The following APP variants were observed in gnomAD, a reference collection of about 807,000 sequenced individuals.
The protein encoded by APP is amyloid beta precursor protein.
APP carries 31 observed loss-of-function variants against 101.4 expected under a neutral mutation model. That is an observed-to-expected ratio of 0.31 (90% CI 0.23 to 0.41). APP has a LOEUF of 0.41. APP is among the 10% of genes least tolerant of loss of function. The probability of loss-of-function intolerance (pLI) is 1.00; values close to 1 mark genes in which losing one functional copy is unlikely to be tolerated. For synonymous variants in APP, 366 were observed against 364.4 expected (o/e 1.00, Z -0.05); for missense variants, 839 against 1,003.7 (o/e 0.84, Z 2.22).
intron 5 of APP, among the ~76,000 whole-genome samples, chr21:26,038,437 G>C (rs1315638356): frequency 6.6e-6 from 1 of 152,132 alleles, no homozygotes; most frequent in African/African-American, 2.4e-5. Flanking sequence ...TCGACAGTGT[G>C]AGATGATGGG....
At chr21:25,905,600 T>C (rs149955468) in intron 14 of APP, among the ~76,000 whole-genome samples, 3 of 152,306 alleles carry the variant, frequency 2.0e-5, no homozygotes, top group African/African-American at 7.2e-5. Flanking sequence ...AGTGAGTGAA[T>C]CAAATTTGTC....
chr21:26,100,459 T>C (rs369191323), intron 2 of APP, among the ~76,000 whole-genome samples: 3 of 152,242 alleles, frequency 2.0e-5, no homozygotes, highest in African/African-American at 7.2e-5. Context: ...GTCAAGAATG[T>C]ACCAGACCTT....
intron 15 of APP, among the ~76,000 whole-genome samples, chr21:25,903,068 AT>A (rs869224981): frequency 1.6e-5 from 2 of 121,240 alleles, no homozygotes; most frequent in Non-Finnish European, 3.4e-5. Flanking sequence ...ATTAAAAAAA[AT>A]TTTTTTTAAA....
intron 10 of APP, 46 bp from the exon 11 acceptor site, chr21:25,975,274 T>C (rs760727804): frequency 6.2e-6 from 10 of 1,612,858 alleles, no homozygotes; most frequent in Non-Finnish European, 5.1e-6. Context: ...ATAAGTAGGA[T>C]GAAGCAGCAA....
At chr21:26,154,201 T>C (rs1425438489) in intron 1 of APP, among the ~76,000 whole-genome samples, 4 of 152,156 alleles carry the variant, frequency 2.6e-5, no homozygotes. Flanking sequence ...GGGAGGTAAA[T>C]GAAATCTTAA....
intron 17 of APP, among the ~76,000 whole-genome samples, chr21:25,887,688 AGTT>A (rs139464492): frequency 0.38 from 57,335 of 151,748 alleles, 10,976 homozygotes; most frequent in South Asian, 0.44. Flanking sequence ...TACCTTTTCT[AGTT>A]TGTTTAGATA....
At chr21:25,959,831 CCTTAT>C (rs951377962) in intron 11 of APP, among the ~76,000 whole-genome samples, 16 of 152,136 alleles carry the variant, frequency 1.1e-4, no homozygotes, top group African/African-American at 3.9e-4. Flanking sequence ...CTAAATTCAT[CCTTAT>C]CTTCTATTGA....
intron 6 of APP, among the ~76,000 whole-genome samples, chr21:26,006,798 T>C (rs1162525598): frequency 6.6e-6 from 1 of 152,196 alleles, no homozygotes; most frequent in Non-Finnish European, 1.5e-5. Flanking sequence ...AATGCCTTCT[T>C]ATGAAGCAAA....
At chr21:26,056,347 AT>A (rs1195391269) in intron 3 of APP, among the ~76,000 whole-genome samples, 1 of 152,312 alleles carries the variant, frequency 6.6e-6, no homozygotes, top group East Asian at 1.9e-4. Flanking sequence ...CAGTCTGAAC[AT>A]TTTTAATGAG....
chr21:26,086,698 A>C (rs1193489366), intron 3 of APP, among the ~76,000 whole-genome samples: 1 of 152,246 alleles, frequency 6.6e-6, no homozygotes, highest in Non-Finnish European at 1.5e-5. Context: ...CTACTACTAT[A>C]AAGTAGAAAA....
chr21:26,022,132 T>A (rs1005490014), intron 5 of APP, 90 bp from the exon 6 acceptor site: 1 of 1,477,220 alleles, frequency 6.8e-7, no homozygotes, highest in African/African-American at 1.4e-5. Context: ...ATTTTGGCAA[T>A]TTGAGAAGAA....
intron 13 of APP, chr21:25,941,843 A>ATTAACATCAACAGAG (rs2040590108): frequency 2.0e-5 from 3 of 152,226 alleles, no homozygotes; most frequent in Admixed American, 2.0e-4. Context: ...GGCTCTAGCT[A>ATTAACATCAACAGAG]TTAACATCAA....
chr21:26,091,823 G>A (rs907876770), intron 2 of APP, among the ~76,000 whole-genome samples: 8 of 152,138 alleles, frequency 5.3e-5, no homozygotes, highest in African/African-American at 9.7e-5. Context: ...TAGGGGCAAC[G>A]CTGTGAGGAT....
intron 1 of APP, among the ~76,000 whole-genome samples, chr21:26,144,273 G>C (rs1008311953): frequency 1.3e-5 from 2 of 152,032 alleles, no homozygotes; most frequent in African/African-American, 4.8e-5. Flanking sequence ...ATCCAGGTGG[G>C]GATGGAGCCA....
intron 15 of APP, among the ~76,000 whole-genome samples, chr21:25,902,575 G>C (rs1158658051): frequency 6.8e-6 from 1 of 146,368 alleles, no homozygotes; most frequent in Non-Finnish European, 1.5e-5. Context: ...AGGAAGCTTG[G>C]CTTAGGCCAC....
chr21:25,980,101 A>G (rs905034991), intron 9 of APP, among the ~76,000 whole-genome samples: 1 of 152,228 alleles, frequency 6.6e-6, no homozygotes, highest in African/African-American at 2.4e-5. Flanking sequence ...GAAGCCCAAG[A>G]TGAGATGAAC....
At chr21:26,048,281 CCACTG>C (rs1399342097) in intron 5 of APP, among the ~76,000 whole-genome samples, 1 of 152,054 alleles carries the variant, frequency 6.6e-6, no homozygotes, top group Non-Finnish European at 1.5e-5. Context: ...CGAGATCACG[CCACTG>C]CACTCCAGCC....
At chr21:25,902,876 A>G (rs1470349720) in intron 15 of APP, among the ~76,000 whole-genome samples, 1 of 152,204 alleles carries the variant, frequency 6.6e-6, no homozygotes, top group African/African-American at 2.4e-5. Context: ...AAACCTAGAA[A>G]GAATTTAGTG....
intron 13 of APP, among the ~76,000 whole-genome samples, chr21:25,914,702 C>T (rs528122043): frequency 1.5e-4 from 23 of 149,052 alleles, no homozygotes; most frequent in Admixed American, 6.8e-4. Flanking sequence ...TACAGGCGCC[C>T]GCCACCACGC....
Sources: allele counts gnomAD v4.1 joint callset (sites outside exome capture counted in the v4.1 genomes callset), GRCh38; gene constraint gnomAD v4.1.1; transcripts MANE v1.5; gene names NCBI Gene and HGNC (gene_info 2026-07-23, HGNC 2026-07-21).